The following ZNF423 variants were observed in gnomAD, a reference collection of about 807,000 sequenced individuals.
ZNF423 encodes the protein zinc finger protein 423.
ZNF423 carries 12 observed loss-of-function variants against 95.8 expected under a neutral mutation model. The observed-to-expected ratio is 0.13, with a 90% CI of 0.08 to 0.20. The LOEUF (loss-of-function observed/expected upper bound fraction) is 0.20, where lower values mean the gene tolerates loss of function less well. Ranked by LOEUF, ZNF423 falls within the 10% of genes least tolerant of loss-of-function variation. ZNF423 has a pLI of 1.00. For missense variants in ZNF423, 1,316 were observed against 1,737.1 expected (o/e 0.76, Z 4.31); for synonymous variants, 749 against 711.9 (o/e 1.05, Z -0.83).
At position 49,514,185 on chromosome 16, in the gene ZNF423, AAC is replaced by A. The variant is rs10597628; in HGVS notation, c.3849+9437_3849+9438del. ...AAATGCCAGCCTTTCCTGACCACCC[AAC>A]ACACACACACACACACACACACACA... On this transcript the variant is annotated intron_variant, in intron 7 of 7. Coordinates refer to ENST00000563137, the MANE Select transcript of ZNF423 (RefSeq NM_001379286.1). Among the ~76,000 whole-genome samples the A allele has an allele frequency of 1.1e-3, 152 of 142,804 alleles. 1 individual carries two copies. Among genetic ancestry groups the A allele is most frequent in the South Asian group, 2.7e-3 (12 of 4,466 alleles). The allele number at this position is 142,804 out of a possible 152,430, so 93.7% of individuals were successfully genotyped here. A position where few individuals can be genotyped will look rare whatever the true frequency, so the allele number is the denominator to read the frequency against.
chr16:49,793,105 C>A (rs1187094971), intron 1 of ZNF423, among the ~76,000 whole-genome samples: 1 of 151,928 alleles, frequency 6.6e-6, no homozygotes, highest in East Asian at 1.9e-4. Flanking sequence ...AACACCCAAC[C>A]CCCCACCACC....
intron 5 of ZNF423, among the ~76,000 whole-genome samples, chr16:49,531,535 C>T (rs1221919804): frequency 6.6e-6 from 1 of 152,030 alleles, no homozygotes; most frequent in Non-Finnish European, 1.5e-5. Flanking sequence ...GAGACTCTGT[C>T]CTTTGTTTCC....
chr16:49,638,134 A>C lies in ZNF423; in HGVS notation c.1042T>G (p.Cys348Gly). 1.2e-6 allele frequency: 2 copies of C among 1,612,300 alleles called. No individual in the cohort carries two copies. Among genetic ancestry groups the C allele is most frequent in the Non-Finnish European group, 1.7e-6 (2 of 1,180,016 alleles). The change falls in exon 4 of 8, where the codon TGC (cysteine) becomes GGC (glycine). Residue 348 changes from cysteine to glycine, a missense_variant. Transcript: ENST00000563137. This position sits in a 1 kb window ranked among gnomAD's most constrained non-coding sequence, Gnocchi z 5.6. ...EQFSSVEGVY[C>G]HLDSHRQPDS... is the part of the protein sequence containing the mutation. ...GGCTGCCGGTGGCTGTCCAGGTGGCAGTAGACACCTTCCACTGAGGAGAAC... is the reference window on the plus strand; with the variant it reads ...GGCTGCCGGTGGCTGTCCAGGTGGCCGTAGACACCTTCCACTGAGGAGAAC...
At chr16:49,572,652 G>A (rs549089855) in intron 5 of ZNF423, among the ~76,000 whole-genome samples, 4 of 152,280 alleles carry the variant, frequency 2.6e-5, no homozygotes, top group African/African-American at 7.2e-5. Flanking sequence ...GTAACGGCAC[G>A]AGTTGGGAAA....
At chr16:49,712,766 C>T (rs1382725117) in intron 3 of ZNF423, among the ~76,000 whole-genome samples, 3 of 152,222 alleles carry the variant, frequency 2.0e-5, no homozygotes, top group East Asian at 3.9e-4. Flanking sequence ...CGGCGCGATC[C>T]GCGAGTGGAA....
chr16:49,514,477 A>G (rs1968048929), intron 7 of ZNF423, among the ~76,000 whole-genome samples: 1 of 152,130 alleles, frequency 6.6e-6, no homozygotes, highest in African/African-American at 2.4e-5. Flanking sequence ...CAAGGGCTGA[A>G]TCAAATGTTC....
intron 1 of ZNF423, among the ~76,000 whole-genome samples, chr16:49,845,887 C>G (rs566992200): frequency 4.6e-5 from 7 of 152,036 alleles, no homozygotes; most frequent in African/African-American, 1.4e-4. Flanking sequence ...GGAAGCCCAG[C>G]AGGCTGCTGG....
At chr16:49,514,401 T>C (rs1001778958) in intron 7 of ZNF423, among the ~76,000 whole-genome samples, 1 of 152,054 alleles carries the variant, frequency 6.6e-6, no homozygotes, top group Non-Finnish European at 1.5e-5. Flanking sequence ...TGTCTCCTTG[T>C]TCCCAGTTCT....
intron 1 of ZNF423, among the ~76,000 whole-genome samples, chr16:49,796,714 C>G (rs1291103121): frequency 6.6e-6 from 1 of 152,080 alleles, no homozygotes; most frequent in Non-Finnish European, 1.5e-5. Flanking sequence ...AGGGAAGAAC[C>G]CAGAATGCTC....
chr16:49,589,451 G>T (rs959287764), intron 5 of ZNF423, among the ~76,000 whole-genome samples: 2 of 152,158 alleles, frequency 1.3e-5, no homozygotes, highest in African/African-American at 4.8e-5. Context: ...TTAGTGTCTA[G>T]CTGTGTGCAT....
chr16:49,714,767 A>T (rs1379381911), intron 3 of ZNF423, among the ~76,000 whole-genome samples: 1 of 152,064 alleles, frequency 6.6e-6, no homozygotes, highest in African/African-American at 2.4e-5. Flanking sequence ...CAAAAAAAAA[A>T]TTAATTTAAA....
chr16:49,677,766 A>G (rs888672349), intron 3 of ZNF423, among the ~76,000 whole-genome samples: 7 of 147,128 alleles, frequency 4.8e-5, no homozygotes, highest in African/African-American at 1.3e-4. Context: ...AAAAAAAAAA[A>G]AAAGAGAGAG....
At chr16:49,709,183 T>TATATATATATATATATATATA in intron 3 of ZNF423, among the ~76,000 whole-genome samples, 1 of 145,370 alleles carries the variant, frequency 6.9e-6, no homozygotes, top group Middle Eastern at 3.5e-3. Context: ...TATATATATA[T>TATATATATATATATATATATA]GAAAACGGAG....
chr16:49,667,073 A>G (rs1031130561), intron 3 of ZNF423, among the ~76,000 whole-genome samples: 2 of 152,216 alleles, frequency 1.3e-5, no homozygotes, highest in Non-Finnish European at 2.9e-5. Flanking sequence ...TGCTCAGCCC[A>G]CAGGGAAATA....
intron 3 of ZNF423, among the ~76,000 whole-genome samples, chr16:49,705,017 CTT>C (rs1024429600): frequency 6.6e-6 from 1 of 152,212 alleles, no homozygotes; most frequent in African/African-American, 2.4e-5. Flanking sequence ...CTTCCAGCCT[CTT>C]TGTTGCCCGA....
At chr16:49,574,238 A>G (rs1017627456) in intron 5 of ZNF423, among the ~76,000 whole-genome samples, 1 of 152,216 alleles carries the variant, frequency 6.6e-6, no homozygotes, top group East Asian at 1.9e-4. Flanking sequence ...TTTAAAAATT[A>G]GCCATGCATG....
At chr16:49,759,827 T>A (rs1460100953) in intron 2 of ZNF423, among the ~76,000 whole-genome samples, 1 of 152,166 alleles carries the variant, frequency 6.6e-6, no homozygotes, top group African/African-American at 2.4e-5. Context: ...GGTGGCCCTG[T>A]CTGTGCAGAT....
chr16:49,776,265 G>A (rs899779424), intron 2 of ZNF423, among the ~76,000 whole-genome samples: 4 of 152,328 alleles, frequency 2.6e-5, no homozygotes, highest in African/African-American at 7.2e-5. Flanking sequence ...ACGCTGAGCC[G>A]ACCCCCACTC....
intron 3 of ZNF423, among the ~76,000 whole-genome samples, chr16:49,709,517 G>GAACT (rs2143108514): frequency 6.6e-6 from 1 of 152,228 alleles, no homozygotes; most frequent in East Asian, 1.9e-4. Context: ...AACAAGGGGT[G>GAACT]CATCTAGTTC....
Sources: gnomAD v4.1 joint callset for allele counts (sites outside exome capture counted in the v4.1 genomes callset) on GRCh38, gnomAD v4.1.1 for gene constraint, Gnocchi (gnomAD v3.1) non-coding constraint, MANE v1.5 for transcripts, NCBI Gene and HGNC (gene_info 2026-07-23, HGNC 2026-07-21) for gene names.